SLC25A48: variants seen among roughly 807,000 people sequenced by gnomAD.
SLC25A48 encodes the protein CTC-321K16.1.
In SLC25A48, 29 loss-of-function variants were observed where a neutral mutation model predicts 32.2. The observed-to-expected ratio is 0.90, with a 90% CI of 0.67 to 1.23. SLC25A48 has a LOEUF of 1.23. Ranked by LOEUF, SLC25A48 falls within the 50% of genes most tolerant of loss-of-function variation. The probability of loss-of-function intolerance (pLI) is 0.00; values close to 1 mark genes in which losing one functional copy is unlikely to be tolerated. For missense variants in SLC25A48, 399 were observed against 422.7 expected (o/e 0.94, Z 0.49); for synonymous variants, 164 against 172.3 (o/e 0.95, Z 0.38).
intron 3 of SLC25A48, among the ~76,000 whole-genome samples, chr5:135,779,131 G>A (rs950891947): frequency 4.6e-5 from 7 of 151,032 alleles, no homozygotes; most frequent in Non-Finnish European, 1.0e-4. Flanking sequence ...CAACATTGCT[G>A]GAAGCGTACA....
chr5:135,677,900 G>A (rs1477805036), intron 3 of SLC25A48, among the ~76,000 whole-genome samples: 2 of 152,138 alleles, frequency 1.3e-5, no homozygotes, highest in East Asian at 3.8e-4. Context: ...TTTGATGAAA[G>A]CTCCTTTATT....
intron 3 of SLC25A48, among the ~76,000 whole-genome samples, chr5:135,757,107 CT>C (rs926380933): frequency 6.7e-6 from 1 of 149,514 alleles, no homozygotes; most frequent in African/African-American, 2.4e-5. Context: ...TTTATAATAT[CT>C]AATTTTAACA....
intron 3 of SLC25A48, among the ~76,000 whole-genome samples, chr5:135,749,239 A>C (rs927015074): frequency 6.7e-6 from 1 of 150,096 alleles, no homozygotes; most frequent in African/African-American, 2.5e-5. Context: ...CTTGCTTCTC[A>C]CCCCTCCCCA....
In SLC25A48 at chr5:135,879,696, A is replaced by G. The variant is rs111808226; in HGVS notation, c.814-272A>G. On this transcript the variant is annotated intron_variant, in intron 6 of 7. Transcript: ENST00000681962. ...AGAGAGAGGGCAATTTAAAAAGCATATGTAGGTGTTTGCCTGGCCCAACAG... is the reference window on the plus strand; with the variant it reads ...AGAGAGAGGGCAATTTAAAAAGCATGTGTAGGTGTTTGCCTGGCCCAACAG... Among the ~76,000 whole-genome samples, 848 of 152,034 alleles carry G rather than the reference A, an allele frequency of 5.6e-3. 4 individuals are homozygous for G. The highest frequency in any genetic ancestry group is 0.034 in the Middle Eastern group (10 of 294).
intron 3 of SLC25A48, among the ~76,000 whole-genome samples, chr5:135,739,754 A>G (rs191443879): frequency 3.5e-4 from 54 of 152,290 alleles, no homozygotes; most frequent in Non-Finnish European, 6.8e-4. Context: ...TGCCTGGGGA[A>G]AACACACATT....
intron 3 of SLC25A48, among the ~76,000 whole-genome samples, chr5:135,808,846 C>T (rs149653892): frequency 2.3e-4 from 35 of 152,260 alleles, no homozygotes; most frequent in African/African-American, 6.5e-4. Context: ...CATTGAACAT[C>T]ATACTCTACT....
At chr5:135,626,948 G>T (rs1333287783) in intron 1 of SLC25A48, among the ~76,000 whole-genome samples, 1 of 152,216 alleles carries the variant, frequency 6.6e-6, no homozygotes, top group Non-Finnish European at 1.5e-5. Context: ...CCTGCTGGTT[G>T]CCTTCTTGCA....
At chr5:135,683,572 C>T (rs1433248387) in intron 3 of SLC25A48, among the ~76,000 whole-genome samples, 1 of 152,200 alleles carries the variant, frequency 6.6e-6, no homozygotes, top group Admixed American at 6.5e-5. Flanking sequence ...TAGAAAAGCA[C>T]ACCCCTAAGT....
intron 3 of SLC25A48, among the ~76,000 whole-genome samples, chr5:135,795,517 G>C (rs1388609840): frequency 6.6e-6 from 1 of 151,786 alleles, no homozygotes; most frequent in Non-Finnish European, 1.5e-5. Context: ...AATATTTAGA[G>C]GAAAGAGATT....
At chr5:135,707,910 G>A (rs1023251747) in intron 3 of SLC25A48, among the ~76,000 whole-genome samples, 3 of 152,190 alleles carry the variant, frequency 2.0e-5, no homozygotes, top group African/African-American at 4.8e-5. Context: ...TAGGAGAACA[G>A]TAAATACATA....
At chr5:135,669,854 C>G (rs1337556582) in intron 3 of SLC25A48, among the ~76,000 whole-genome samples, 1 of 152,196 alleles carries the variant, frequency 6.6e-6, no homozygotes, top group African/African-American at 2.4e-5. Flanking sequence ...AGTCCCTGCT[C>G]CCCTCCTATG....
intron 3 of SLC25A48, among the ~76,000 whole-genome samples, chr5:135,751,384 C>T (rs1185826224): frequency 6.6e-6 from 1 of 152,152 alleles, no homozygotes; most frequent in East Asian, 1.9e-4. Flanking sequence ...GGACAGAGGC[C>T]CCTGCTCCCT....
At chr5:135,802,136 C>T (rs1270809124) in intron 3 of SLC25A48, among the ~76,000 whole-genome samples, 5 of 151,476 alleles carry the variant, frequency 3.3e-5, no homozygotes, top group East Asian at 1.9e-4. Flanking sequence ...TCATATCCTA[C>T]GGAGATATTA....
intron 4 of SLC25A48, among the ~76,000 whole-genome samples, chr5:135,863,291 G>A (rs1177388700): frequency 6.6e-6 from 1 of 152,196 alleles, no homozygotes; most frequent in Non-Finnish European, 1.5e-5. Flanking sequence ...GCTTACTGTG[G>A]CTGCTGCTGG....
intron 1 of SLC25A48, among the ~76,000 whole-genome samples, chr5:135,589,600 T>C (rs990591217): frequency 2.0e-5 from 3 of 152,382 alleles, no homozygotes; most frequent in East Asian, 3.9e-4. Flanking sequence ...TGGTGGTTGA[T>C]GCATTCATTC....
At chr5:135,776,119 A>G in intron 3 of SLC25A48, among the ~76,000 whole-genome samples, 1 of 151,704 alleles carries the variant, frequency 6.6e-6, no homozygotes, top group East Asian at 1.9e-4. Context: ...TAATTCCAGG[A>G]AAGGAGACCA....
intron 1 of SLC25A48, among the ~76,000 whole-genome samples, chr5:135,608,949 T>TATCTATGG (rs1226139878): frequency 6.6e-6 from 1 of 152,240 alleles, no homozygotes; most frequent in East Asian, 1.9e-4. Flanking sequence ...CTTGGCCCTT[T>TATCTATGG]ATCTATGGAT....
intron 7 of SLC25A48, chr5:135,882,926 T>G: frequency 1.0e-5 from 4 of 381,294 alleles, no homozygotes; most frequent in Non-Finnish European, 1.4e-5. Flanking sequence ...CCGGCAACCC[T>G]GAGAGCCTCT....
Position 135,783,888 on chromosome 5 carries a change from G to A in SLC25A48, c.-520-28635G>A, listed in dbSNP as rs116364401. Among the ~76,000 whole-genome samples, 572 of 118,424 alleles carry A rather than the reference G, an allele frequency of 4.8e-3. 77 individuals are homozygous for A. Among genetic ancestry groups the A allele is most frequent in the African/African-American group, 0.014 (548 of 38,958 alleles). 77.7% of individuals were successfully genotyped at this position (118,424 alleles called of 152,430 possible). A position where few individuals can be genotyped will look rare whatever the true frequency, so the allele number is the denominator to read the frequency against. ...GTAATATTCTTCTTGGTATTCAGGT[G>A]GGGAGAAAATGATATTATTCCCAAT... On this transcript the variant is annotated intron_variant, in intron 3 of 10. Coordinates refer to the SLC25A48 transcript ENST00000646290.
Sources: allele counts gnomAD v4.1 joint callset (sites outside exome capture counted in the v4.1 genomes callset), GRCh38; gene constraint gnomAD v4.1.1; transcripts MANE v1.5; gene names NCBI Gene and HGNC (gene_info 2026-07-23, HGNC 2026-07-21).